Variants in SDK1 observed in about 807,000 individuals in gnomAD.
The protein encoded by SDK1 is protein sidekick-1.
In SDK1, 157 loss-of-function variants were observed where a neutral mutation model predicts 245.5. The observed-to-expected ratio is 0.64, with a 90% CI of 0.56 to 0.73. The LOEUF (loss-of-function observed/expected upper bound fraction) is 0.73. Ranked by LOEUF, SDK1 falls within the 30% of genes least tolerant of loss-of-function variation. SDK1 has a pLI of 0.00. For missense variants in SDK1, 3,583 were observed against 3,002.3 expected (o/e 1.19, Z -4.52); for synonymous variants, 1,647 against 1,278.5 (o/e 1.29, Z -6.15).
chr7:3,374,467 G>A (rs1781305124), intron 1 of SDK1, among the ~76,000 whole-genome samples: 1 of 152,290 alleles, frequency 6.6e-6, no homozygotes. Context: ...GCCAGTCACA[G>A]ACCTGGCAGC....
Position 4,074,910 on chromosome 7 carries a change from A to T in SDK1, c.3011-2088A>T, listed in dbSNP as rs1255812220. On this transcript the variant is annotated intron_variant, in intron 20 of 44. Coordinates refer to ENST00000404826, the MANE Select transcript of SDK1 (RefSeq NM_152744.4). The stretch of plus-strand genomic sequence containing the variant: ...TGTATATATATATATATATATATAT[A>T]TATATATTTTTTTTTTTTTTTAATA... Among the ~76,000 whole-genome samples, 101 of 77,188 alleles carry T rather than the reference A, an allele frequency of 1.3e-3. 2 individuals carry two copies. The highest frequency in any genetic ancestry group is 7.9e-3 in the African/African-American group (87 of 11,018). 50.6% of individuals were successfully genotyped at this position (77,188 alleles called of 152,430 possible).
At chr7:3,555,293 C>G (rs1779552275) in intron 1 of SDK1, among the ~76,000 whole-genome samples, 1 of 152,154 alleles carries the variant, frequency 6.6e-6, no homozygotes, top group Non-Finnish European at 1.5e-5. Context: ...CTACAGTGAA[C>G]TCACTTTTGA....
chr7:3,697,025 A>G (rs1269814558), intron 4 of SDK1, among the ~76,000 whole-genome samples: 2 of 152,224 alleles, frequency 1.3e-5, no homozygotes, highest in East Asian at 1.9e-4. Context: ...TGAATGAGAT[A>G]TACTCTCTCA....
chr7:3,900,943 T>G (rs1781766909), intron 5 of SDK1, among the ~76,000 whole-genome samples: 1 of 151,546 alleles, frequency 6.6e-6, no homozygotes, highest in Admixed American at 6.6e-5. Flanking sequence ...TGTGCCTAAT[T>G]GTAGCAAAAA....
intron 1 of SDK1, among the ~76,000 whole-genome samples, chr7:3,447,110 CTCATT>C (rs1218766837): frequency 6.6e-6 from 1 of 152,108 alleles, no homozygotes; most frequent in African/African-American, 2.4e-5. Context: ...TAGAATACAT[CTCATT>C]TAAGAAGTGT....
chr7:3,600,072 C>G (rs778217625), intron 1 of SDK1, among the ~76,000 whole-genome samples: 1 of 152,122 alleles, frequency 6.6e-6, no homozygotes. Context: ...TGGTGTGTCT[C>G]CTCATTTAAT....
At position 3,800,358 on chromosome 7, in the gene SDK1, C is replaced by CTTAT. The variant is rs1204200723; in HGVS notation, c.714-21089_714-21088insTTTA. On this transcript the variant is annotated intron_variant, in intron 4 of 44. Transcript: ENST00000404826. ...TACACTAATCGCCATCTTTTACTTA[C>CTTAT]TTACTTACTTACTTATTTATTTATT... Among the ~76,000 whole-genome samples the CTTAT allele has an allele frequency of 3.8e-3, 556 of 147,588 alleles. 3 individuals carry two copies. The highest frequency in any genetic ancestry group is 0.013 in the African/African-American group (514 of 39,166).
chr7:3,523,290 G>T lies in SDK1; in HGVS notation c.299-95790G>T, dbSNP rs146239784. Among the ~76,000 whole-genome samples the T allele has an allele frequency of 2.6e-5, 4 of 152,258 alleles. No homozygotes were observed. The East Asian group carries it at 5.8e-4, about 22-fold the overall frequency. ...TAACAGTTACAGATGTCTTCTCAGT[G>T]CAGGGAAGTGTGCTAGGGACTGCAT... On this transcript the variant is annotated intron_variant, in intron 1 of 44. Transcript: ENST00000404826.
intron 5 of SDK1, among the ~76,000 whole-genome samples, chr7:3,918,590 A>G (rs1779470024): frequency 6.6e-6 from 1 of 152,196 alleles, no homozygotes; most frequent in Non-Finnish European, 1.5e-5. Context: ...CTGTATTACA[A>G]TGTAATAATC....
chr7:4,230,085 G>GGC (rs1785656363), intron 40 of SDK1, among the ~76,000 whole-genome samples: 1 of 81,332 alleles, frequency 1.2e-5, no homozygotes, highest in Non-Finnish European at 2.7e-5. Flanking sequence ...GGAAGGAAGG[G>GGC]TGGGCAGGCA....
At chr7:4,084,296 C>T (rs1468660343) in intron 22 of SDK1, among the ~76,000 whole-genome samples, 4 of 152,156 alleles carry the variant, frequency 2.6e-5, no homozygotes, top group Admixed American at 2.6e-4. Flanking sequence ...TGCTGAGTAT[C>T]ATCATGAAAG....
chr7:4,206,902 A>G (rs1784256093), intron 36 of SDK1, among the ~76,000 whole-genome samples: 1 of 152,170 alleles, frequency 6.6e-6, no homozygotes, highest in African/African-American at 2.4e-5. Context: ...GAAAATTAAT[A>G]CCTTCCTCCA....
intron 6 of SDK1, 92 bp downstream of exon 6, chr7:3,951,126 A>T: frequency 2.1e-6 from 2 of 951,714 alleles, no homozygotes; most frequent in Non-Finnish European, 3.3e-6. Flanking sequence ...CATGAGGTTC[A>T]GCCTTCTAGC....
intron 14 of SDK1, among the ~76,000 whole-genome samples, chr7:3,992,929 G>A (rs989756129): frequency 3.3e-5 from 5 of 152,178 alleles, no homozygotes; most frequent in Non-Finnish European, 7.3e-5. Context: ...TTGCTCTGCA[G>A]ATACTGACCC....
At chr7:3,323,001 C>G (rs1779854836) in intron 1 of SDK1, among the ~76,000 whole-genome samples, 1 of 152,000 alleles carries the variant, frequency 6.6e-6, no homozygotes, top group Non-Finnish European at 1.5e-5. Context: ...TTTGTTTTGC[C>G]ATGTTGCCGA....
At chr7:3,601,287 A>G (rs1458972830) in intron 1 of SDK1, among the ~76,000 whole-genome samples, 2 of 152,164 alleles carry the variant, frequency 1.3e-5, no homozygotes, top group East Asian at 3.8e-4. Context: ...AATTATGTAC[A>G]TTGGTGTTGA....
chr7:4,068,717 T>C (rs1300325041), intron 20 of SDK1, among the ~76,000 whole-genome samples: 1 of 151,614 alleles, frequency 6.6e-6, no homozygotes, highest in Non-Finnish European at 1.5e-5. Flanking sequence ...TTAATGATTT[T>C]ATTTATTTAT....
intron 4 of SDK1, among the ~76,000 whole-genome samples, chr7:3,733,112 A>C (rs1473928375): frequency 6.6e-6 from 1 of 152,234 alleles, no homozygotes; most frequent in Non-Finnish European, 1.5e-5. Context: ...TGAGCTTAAA[A>C]GAGTTTGACA....
intron 1 of SDK1, among the ~76,000 whole-genome samples, chr7:3,345,686 C>T (rs1011935473): frequency 3.3e-5 from 5 of 152,042 alleles, no homozygotes; most frequent in African/African-American, 7.2e-5. Context: ...GACTCCTCAG[C>T]GTTATCTGTT....
Sources: gnomAD v4.1 joint callset for allele counts (sites outside exome capture counted in the v4.1 genomes callset) on GRCh38, gnomAD v4.1.1 for gene constraint, MANE v1.5 for transcripts, NCBI Gene and HGNC (gene_info 2026-07-23, HGNC 2026-07-21) for gene names.